CACNA2D1: variants seen among roughly 807,000 people sequenced by gnomAD.
The protein encoded by CACNA2D1 is calcium voltage-gated channel auxiliary subunit alpha2delta 1, also known as voltage-dependent calcium channel subunit alpha-2/delta-1.
Under a neutral mutation model 171.5 loss-of-function variants are expected in CACNA2D1, and 53 were observed. That is an observed-to-expected ratio of 0.31 (90% confidence interval 0.25 to 0.39). The LOEUF (loss-of-function observed/expected upper bound fraction) is 0.39, where lower values mean the gene tolerates loss of function less well. Ranked by LOEUF, CACNA2D1 falls within the 10% of genes least tolerant of loss-of-function variation. The pLI, the probability that CACNA2D1 is intolerant of heterozygous loss-of-function variation, is 1.00. For synonymous variants in CACNA2D1, 442 were observed against 443.1 expected, an observed-to-expected ratio of 1.00 and a Z score of 0.03; for missense variants, 903 against 1,299.8, an observed-to-expected ratio of 0.69 and a Z score of 4.69.
intron 1 of CACNA2D1, among the ~76,000 whole-genome samples, chr7:82,381,108 C>G (rs1477046625): frequency 6.6e-6 from 1 of 152,010 alleles, no homozygotes; most frequent in South Asian, 2.1e-4. Context: ...GTCAGGAGAT[C>G]GAGACCATCC....
intron 18 of CACNA2D1, among the ~76,000 whole-genome samples, chr7:82,000,506 A>G (rs1798476676): frequency 6.6e-6 from 1 of 152,178 alleles, no homozygotes; most frequent in African/African-American, 2.4e-5. Flanking sequence ...GTTGGCTTTC[A>G]GAACCAAACT....
intron 12 of CACNA2D1, among the ~76,000 whole-genome samples, chr7:82,026,447 G>T (rs1030196380): frequency 6.6e-6 from 1 of 151,512 alleles, no homozygotes; most frequent in East Asian, 1.9e-4. Context: ...TTCAAACATA[G>T]AATTTTTAAG....
intron 1 of CACNA2D1, among the ~76,000 whole-genome samples, chr7:82,394,761 A>C (rs939846303): frequency 1.3e-5 from 2 of 152,186 alleles, no homozygotes; most frequent in South Asian, 4.1e-4. Flanking sequence ...CTGTGAGACA[A>C]AGAGAAGTGA....
chr7:82,297,537 T>C (rs1188833725), intron 3 of CACNA2D1, among the ~76,000 whole-genome samples: 1 of 152,142 alleles, frequency 6.6e-6, no homozygotes, highest in East Asian at 1.9e-4. Flanking sequence ...AACATTCCTT[T>C]TCAAAAAAAA....
intron 12 of CACNA2D1, among the ~76,000 whole-genome samples, chr7:82,017,632 C>T (rs1188703826): frequency 2.0e-5 from 3 of 151,506 alleles, no homozygotes; most frequent in African/African-American, 7.3e-5. Flanking sequence ...CTTCTTTAAA[C>T]TTACAGTTCT....
chr7:82,091,288 C>T (rs568276785), intron 6 of CACNA2D1, among the ~76,000 whole-genome samples: 2 of 152,254 alleles, frequency 1.3e-5, no homozygotes, highest in South Asian at 2.1e-4. Context: ...GATGGGAGAG[C>T]AGAAGGCTCC....
At chr7:81,982,748 C>T (rs1341988469) in intron 23 of CACNA2D1, 121 bp from the exon 24 acceptor site, 1 of 755,784 alleles carries the variant, frequency 1.3e-6, no homozygotes, top group African/African-American at 1.7e-5. Flanking sequence ...AGAGTACTTA[C>T]ATCCTAAAAT....
At chr7:82,155,967 T>C (rs1214812165) in intron 4 of CACNA2D1, among the ~76,000 whole-genome samples, 3 of 152,146 alleles carry the variant, frequency 2.0e-5, no homozygotes, top group Non-Finnish European at 2.9e-5. Context: ...TAGTCACACA[T>C]TGATATTTTT....
intron 38 of CACNA2D1, among the ~76,000 whole-genome samples, chr7:81,955,339 A>G (rs919357351): frequency 6.6e-6 from 1 of 152,116 alleles, no homozygotes; most frequent in Non-Finnish European, 1.5e-5. Flanking sequence ...CATAGACCAT[A>G]ACCTTTATGG....
chr7:82,047,773 ATAAC>A (rs751342663), intron 10 of CACNA2D1, among the ~76,000 whole-genome samples: 1 of 152,202 alleles, frequency 6.6e-6, no homozygotes, highest in Non-Finnish European at 1.5e-5. Context: ...GATATAGAAA[ATAAC>A]AAACATATGT....
intron 3 of CACNA2D1, among the ~76,000 whole-genome samples, chr7:82,240,679 T>G (rs943434702): frequency 1.3e-5 from 2 of 152,140 alleles, no homozygotes; most frequent in Non-Finnish European, 2.9e-5. Context: ...AAGGTAACTT[T>G]AGGCCAGGCA....
At chr7:82,117,947 A>C (rs1431191535) in intron 5 of CACNA2D1, among the ~76,000 whole-genome samples, 1 of 152,196 alleles carries the variant, frequency 6.6e-6, no homozygotes, top group Admixed American at 6.5e-5. Flanking sequence ...ATAATGGTAC[A>C]CGTGACAGAA....
intron 4 of CACNA2D1, among the ~76,000 whole-genome samples, chr7:82,170,105 A>T (rs529956403): frequency 6.6e-6 from 1 of 152,074 alleles, no homozygotes; most frequent in African/African-American, 2.4e-5. Context: ...GAATATATTC[A>T]TTCTCACTTT....
chr7:82,050,583 C>T (rs1203895667), intron 10 of CACNA2D1: 1 of 702,750 alleles, frequency 1.4e-6, no homozygotes, highest in Non-Finnish European at 2.6e-6. Context: ...TTTAATTACT[C>T]TGCATTGAAA....
chr7:82,117,245 C>A, intron 5 of CACNA2D1, 72 bp from the exon 6 acceptor site: 1 of 1,410,996 alleles, frequency 7.1e-7, no homozygotes, highest in Admixed American at 1.8e-5. Context: ...CACTTCTTTA[C>A]TTGCCAAATG....
At chr7:82,261,295 T>C (rs926697826) in intron 3 of CACNA2D1, among the ~76,000 whole-genome samples, 6 of 152,184 alleles carry the variant, frequency 3.9e-5, no homozygotes, top group East Asian at 1.9e-4. Flanking sequence ...CTGGATGCTA[T>C]AGAAGACACT....
chr7:82,314,189 C>T (rs966980273), intron 3 of CACNA2D1, among the ~76,000 whole-genome samples: 5 of 152,010 alleles, frequency 3.3e-5, no homozygotes, highest in African/African-American at 4.8e-5. Flanking sequence ...CTTTGGTTTG[C>T]TTGATTTAAT....
rs78151113 is a variant in CACNA2D1 at position 82,335,263 on chromosome 7, A to G, written c.178-12T>C. On this transcript the variant is annotated splice_polypyrimidine_tract_variant and intron_variant, in intron 2 of 38. Transcript: ENST00000356860. ...TATTTCTCATAAATCTGTGTGAAAG[A>G]AAAAAAAAACTAGTAAGAACAATAG... 6.0e-6 allele frequency: 8 copies of G among 1,344,248 alleles called. No homozygotes were observed. Among genetic ancestry groups the G allele is most frequent in the Non-Finnish European group, 7.3e-6 (7 of 957,558 alleles). The allele number at this position is 1,344,248 out of a possible 1,614,324, so 83.3% of individuals were successfully genotyped here.
At chr7:82,394,581 A>G (rs1255361869) in intron 1 of CACNA2D1, among the ~76,000 whole-genome samples, 1 of 152,188 alleles carries the variant, frequency 6.6e-6, no homozygotes, top group Admixed American at 6.5e-5. Flanking sequence ...GAGACACAGA[A>G]AAATGAATCA....
Sources: allele counts gnomAD v4.1 joint callset (sites outside exome capture counted in the v4.1 genomes callset), GRCh38; gene constraint gnomAD v4.1.1; transcripts MANE v1.5; gene names NCBI Gene and HGNC (gene_info 2026-07-23, HGNC 2026-07-21).